Variants in MECOM observed in about 807,000 individuals in gnomAD.
MECOM encodes histone-lysine N-methyltransferase MECOM.
Under a neutral mutation model 116.3 loss-of-function variants are expected in MECOM, and 13 were observed. The ratio of observed to expected loss-of-function variants is 0.11; its 90% confidence interval spans 0.07 to 0.18. The LOEUF (loss-of-function observed/expected upper bound fraction) is 0.18. Ranked by LOEUF, MECOM falls within the 10% of genes least tolerant of loss-of-function variation. The pLI is 1.00. For missense variants in MECOM, 1,299 were observed against 1,509.0 expected (o/e 0.86, Z 2.31); for synonymous variants, 528 against 535.2 (o/e 0.99, Z 0.19).
At chr3:169,319,559 TA>T (rs59419055) in intron 2 of MECOM, among the ~76,000 whole-genome samples, 3 of 150,352 alleles carry the variant, frequency 2.0e-5, no homozygotes, top group Non-Finnish European at 3.0e-5. Flanking sequence ...TAAAGTATAA[TA>T]AAAAAAAAAT....
At chr3:169,556,243 C>A (rs1380231863) in intron 1 of MECOM, among the ~76,000 whole-genome samples, 1 of 151,840 alleles carries the variant, frequency 6.6e-6, no homozygotes, top group Non-Finnish European at 1.5e-5. Context: ...AAGCCAGCAC[C>A]TTAATCTCAT....
At chr3:169,256,234 T>C (rs1011300917) in intron 2 of MECOM, among the ~76,000 whole-genome samples, 3 of 151,982 alleles carry the variant, frequency 2.0e-5, no homozygotes, top group African/African-American at 7.3e-5. Flanking sequence ...GGAGGCAGTA[T>C]ATACTGTATA....
Position 169,146,699 on chromosome 3 carries a change from T to C in MECOM, c.376-2867A>G, listed in dbSNP as rs1740058414. The C allele has an allele frequency of 2.4e-6, 3 of 1,268,590 alleles. No homozygotes were observed. In the South Asian group the frequency reaches 3.9e-5, roughly 16 times the overall value. The allele number at this position is 1,268,590 out of a possible 1,614,324, so 78.6% of individuals were successfully genotyped here. A position where few individuals can be genotyped will look rare whatever the true frequency, so the allele number is the denominator to read the frequency against. On this transcript the variant is annotated intron_variant, in intron 2 of 16. Coordinates refer to ENST00000651503, the MANE Select transcript of MECOM (RefSeq NM_004991.4). ...TTCACATCGCCCAGACTTTTTTTCC[T>C]TTTAAAGTGAGGAGTTCTCTTACCT...
At position 169,183,717 on chromosome 3, in the gene MECOM, GGTAGAAGCAACTGATACGTTAAGGACT is replaced by G. The variant is rs1216227686; in HGVS notation, c.376-39912_376-39886del. 2.0e-5 allele frequency among the ~76,000 whole-genome samples: 3 copies of G among 148,052 alleles called. No homozygotes were observed. The East Asian group carries it at 6.4e-4, about 32-fold the overall frequency. On this transcript the variant is annotated intron_variant, in intron 2 of 16. Coordinates refer to ENST00000651503, the MANE Select transcript of MECOM (RefSeq NM_004991.4). ...GAAGGCAGGGAGAAAGCAATCTGGA[GGTAGAAGCAACTGATACGTTAAGGACT>G]GTAGAAGATACATACATACACACAC... is the stretch of plus-strand genomic sequence containing the variant.
chr3:169,306,227 T>C (rs1238938995), intron 2 of MECOM, among the ~76,000 whole-genome samples: 5 of 152,182 alleles, frequency 3.3e-5, no homozygotes. Context: ...GTTCAATAGA[T>C]TTTTATTAAT....
chr3:169,101,288 G>T (rs547041998), intron 11 of MECOM, among the ~76,000 whole-genome samples: 1 of 152,190 alleles, frequency 6.6e-6, no homozygotes, highest in South Asian at 2.1e-4. Flanking sequence ...CAGATAAGGG[G>T]ATAAAAATAT....
At chr3:169,625,210 A>C (rs1250007879) in intron 1 of MECOM, among the ~76,000 whole-genome samples, 1 of 152,190 alleles carries the variant, frequency 6.6e-6, no homozygotes, top group African/African-American at 2.4e-5. Context: ...TTAGAAGAAC[A>C]ATGATTTGCT....
At chr3:169,223,645 G>A (rs960275836) in intron 2 of MECOM, among the ~76,000 whole-genome samples, 1 of 152,048 alleles carries the variant, frequency 6.6e-6, no homozygotes, top group South Asian at 2.1e-4. Context: ...GTGACAAATG[G>A]TATAGTTTGT....
At chr3:169,269,609 C>A (rs2149648236) in intron 2 of MECOM, among the ~76,000 whole-genome samples, 1 of 152,264 alleles carries the variant, frequency 6.6e-6, no homozygotes, top group East Asian at 1.9e-4. Context: ...CAAATTAAAA[C>A]ATGCTTCTTA....
intron 1 of MECOM, among the ~76,000 whole-genome samples, chr3:169,609,068 C>T (rs1577093576): frequency 1.3e-5 from 2 of 152,172 alleles, no homozygotes; most frequent in Admixed American, 6.5e-5. Context: ...CTGACCTTAT[C>T]GACACAGGAA....
chr3:169,464,481 G>A (rs545297301), intron 1 of MECOM, among the ~76,000 whole-genome samples: 6 of 86,858 alleles, frequency 6.9e-5, no homozygotes, highest in Admixed American at 4.6e-4. Context: ...TCTAGTTTTC[G>A]AAAAGCACCA....
At chr3:169,440,354 G>A (rs1248787542) in intron 1 of MECOM, among the ~76,000 whole-genome samples, 1 of 152,150 alleles carries the variant, frequency 6.6e-6, no homozygotes, top group Non-Finnish European at 1.5e-5. Context: ...AATAGACAGA[G>A]AATCAAAACA....
chr3:169,180,440 T>C (rs1057482798), intron 2 of MECOM, among the ~76,000 whole-genome samples: 3 of 152,156 alleles, frequency 2.0e-5, no homozygotes. Context: ...GGTACTTACA[T>C]AATGACTGGC....
intron 2 of MECOM, among the ~76,000 whole-genome samples, chr3:169,206,716 C>T (rs1236061069): frequency 6.7e-6 from 1 of 148,924 alleles, no homozygotes; most frequent in African/African-American, 2.5e-5. Flanking sequence ...TTGCACCACG[C>T]ACTCCAGCAT....
At chr3:169,405,293 T>C (rs1231651699) in intron 1 of MECOM, among the ~76,000 whole-genome samples, 1 of 152,134 alleles carries the variant, frequency 6.6e-6, no homozygotes, top group Non-Finnish European at 1.5e-5. Context: ...ACAAAGAGTC[T>C]CTGAGAGATA....
At chr3:169,562,775 T>C (rs1231858328) in intron 1 of MECOM, among the ~76,000 whole-genome samples, 1 of 151,964 alleles carries the variant, frequency 6.6e-6, no homozygotes, top group Non-Finnish European at 1.5e-5. Context: ...GAAATGCTGG[T>C]AGGGGGCTGG....
intron 1 of MECOM, among the ~76,000 whole-genome samples, chr3:169,565,305 G>T (rs750029387): frequency 6.6e-6 from 1 of 152,142 alleles, no homozygotes; most frequent in Non-Finnish European, 1.5e-5. Context: ...CCTGGAGAAT[G>T]GTGTCAGAAA....
intron 2 of MECOM, among the ~76,000 whole-genome samples, chr3:169,324,086 G>C: frequency 6.6e-6 from 1 of 152,190 alleles, no homozygotes; most frequent in East Asian, 1.9e-4. Flanking sequence ...GGCTTCCTGA[G>C]TTATACAAGA....
At chr3:169,617,983 A>C (rs1249089787) in intron 1 of MECOM, among the ~76,000 whole-genome samples, 2 of 152,060 alleles carry the variant, frequency 1.3e-5, no homozygotes, top group Non-Finnish European at 2.9e-5. Context: ...GCTCCTTTGC[A>C]CTGAGCTCTT....
Sources: allele counts gnomAD v4.1 joint callset (sites outside exome capture counted in the v4.1 genomes callset), GRCh38; gene constraint gnomAD v4.1.1; transcripts MANE v1.5; gene names NCBI Gene and HGNC (gene_info 2026-07-23, HGNC 2026-07-21).